Variants in ERMARD observed in about 807,000 individuals in gnomAD.
ERMARD encodes the protein endoplasmic reticulum membrane-associated RNA degradation protein.
Under a neutral mutation model 83.9 loss-of-function variants are expected in ERMARD, and 71 were observed. The ratio of observed to expected loss-of-function variants is 0.85; its 90% CI spans 0.70 to 1.03. The LOEUF is 1.03. Among genes scored for constraint, ERMARD ranks in the 50% least tolerant of loss-of-function variants. ERMARD has a pLI of 0.00. For missense variants in ERMARD, 838 were observed against 810.9 expected, an observed-to-expected ratio of 1.03 and a Z score of -0.41; for synonymous variants, 284 against 298.6, an observed-to-expected ratio of 0.95 and a Z score of 0.50.
Position 169,781,432 on chromosome 6 carries a change from G to T in ERMARD, c.1956G>T (p.Leu652Phe). 1 of 1,612,914 alleles carries T rather than the reference G, an allele frequency of 6.2e-7. No homozygotes were observed. The highest frequency in any genetic ancestry group is 8.5e-7 in the Non-Finnish European group (1 of 1,179,646). Residue 652 changes from leucine (L) to phenylalanine (F), a missense_variant, in exon 18 of 18, where the codon TTG becomes TTT. Transcript: ENST00000366773. ...CTATCAATCTTACACATACAGCTTT[G>T]TTGAAAATGTGGACTTTTAGTGAGA... ...NETINLTHTA[L>F]LKMWTFSEKK... is the part of the protein sequence containing the mutation.
At chr6:169,768,063 G>A in intron 10 of ERMARD, 40 bp from the exon 11 acceptor site, 2 of 1,526,098 alleles carry the variant, frequency 1.3e-6, no homozygotes, top group South Asian at 2.2e-5. Flanking sequence ...GTTTATGTAT[G>A]GGGACCAGTT....
intron 5 of ERMARD, among the ~76,000 whole-genome samples, chr6:169,758,646 A>G (rs1404261367): frequency 6.6e-6 from 1 of 152,224 alleles, no homozygotes; most frequent in East Asian, 1.9e-4. Flanking sequence ...CCTGGGTCAG[A>G]TCTTATCCCC....
chr6:169,773,253 A>AGTTC (rs1264310564), intron 12 of ERMARD, 66 bp from the exon 13 acceptor site: 2 of 1,361,660 alleles, frequency 1.5e-6, no homozygotes, highest in African/African-American at 2.9e-5. Context: ...AGTGGCCTAC[A>AGTTC]GTTCAATAGA....
At chr6:169,777,798 G>T (rs1793766746) in intron 16 of ERMARD, among the ~76,000 whole-genome samples, 1 of 147,168 alleles carries the variant, frequency 6.8e-6, no homozygotes, top group Non-Finnish European at 1.5e-5. Flanking sequence ...CACAGCTCCA[G>T]CGCCAACAGG....
rs1415124780 is a variant in ERMARD at position 169,756,706 on chromosome 6, G to T, written c.418-13G>T. ...ATAATACAACTGTTACACAATTTTT[G>T]TTTGAATTTTAGGTATTTTTACTGA... is the stretch of plus-strand genomic sequence containing the variant. On this transcript the variant is annotated splice_polypyrimidine_tract_variant and intron_variant, in intron 4 of 17. Transcript: ENST00000366773. The T allele has an allele frequency of 5.6e-6, 9 of 1,608,834 alleles. No individual in the cohort carries two copies. Among genetic ancestry groups the T allele is most frequent in the Non-Finnish European group, 7.7e-6 (9 of 1,175,996 alleles).
At chr6:169,771,618 C>T (rs1389151068) in intron 12 of ERMARD, 16 of 152,158 alleles carry the variant, frequency 1.1e-4, no homozygotes, top group Admixed American at 1.0e-3. Context: ...CAGGTTCTCC[C>T]CATCTTCATT....
chr6:169,779,426 G>A, intron 17 of ERMARD, 131 bp downstream of exon 17: 1 of 738,294 alleles, frequency 1.4e-6, no homozygotes. Context: ...TCTCAGGCAA[G>A]GGTCTGACAT....
chr6:169,780,707 C>T (rs190442184), intron 17 of ERMARD, among the ~76,000 whole-genome samples: 2 of 152,316 alleles, frequency 1.3e-5, no homozygotes, highest in East Asian at 3.9e-4. Context: ...TGCAGCCGAA[C>T]CTTGAACGAT....
chr6:169,778,274 A>C (rs1309617441), intron 16 of ERMARD, among the ~76,000 whole-genome samples: 1 of 152,202 alleles, frequency 6.6e-6, no homozygotes, highest in Non-Finnish European at 1.5e-5. Flanking sequence ...TCCTGTGCTG[A>C]TTTTCATAGA....
At position 169,781,417 on chromosome 6, in the gene ERMARD, T is replaced by G. The variant is rs1383529610; in HGVS notation, c.1941T>G (p.Leu647=). Residue 647 remains leucine (L), a synonymous_variant, in exon 18 of 18, where the codon CTT becomes CTG. Transcript: ENST00000366773. ...ACAAGTGGAATGAAACTATCAATCTTACACATACAGCTTTGTTGAAAATGT... is the reference window on the plus strand; with the variant it reads ...ACAAGTGGAATGAAACTATCAATCTGACACATACAGCTTTGTTGAAAATGT... ...EKNKWNETIN[L]THTALLKMWT... The G allele has an allele frequency of 1.9e-6, 3 of 1,613,504 alleles. No individual in the cohort carries two copies. Among genetic ancestry groups the G allele is most frequent in the Non-Finnish European group, 2.5e-6 (3 of 1,179,856 alleles).
chr6:169,762,708 G>A (rs1377862213), intron 9 of ERMARD, among the ~76,000 whole-genome samples, 177 bp downstream of exon 9: 3 of 152,122 alleles, frequency 2.0e-5, no homozygotes, highest in African/African-American at 7.2e-5. Flanking sequence ...ATTTATGATT[G>A]TTTTTGATAT....
At chr6:169,775,434 A>C in intron 14 of ERMARD, 88 bp downstream of exon 14, 1 of 1,439,556 alleles carries the variant, frequency 6.9e-7, no homozygotes, top group Non-Finnish European at 9.6e-7. Context: ...AGGCTGTGGG[A>C]AGATAAAAGG....
intron 6 of ERMARD, 48 bp from the exon 7 acceptor site, chr6:169,759,790 G>A (rs1791291976): frequency 6.6e-7 from 1 of 1,506,246 alleles, no homozygotes; most frequent in African/African-American, 1.4e-5. Context: ...GCTTTTTATA[G>A]GCATGATTGA....
chr6:169,759,828 T>A lies in ERMARD; in HGVS notation c.606-10T>A. On this transcript the variant is annotated splice_polypyrimidine_tract_variant and intron_variant, in intron 6 of 17. Transcript: ENST00000366773. ...ACATTTTTGTAACAGATCTCTATGGTATTTCCTAGATACTGTTCAATGATG... is the reference window on the plus strand; with the variant it reads ...ACATTTTTGTAACAGATCTCTATGGAATTTCCTAGATACTGTTCAATGATG... 1 of 1,607,394 alleles carries A rather than the reference T, an allele frequency of 6.2e-7. No homozygotes were observed. Among genetic ancestry groups the A allele is most frequent in the Non-Finnish European group, 8.5e-7 (1 of 1,174,612 alleles).
At chr6:169,760,366 A>C (rs575847122) in intron 7 of ERMARD, among the ~76,000 whole-genome samples, 1 of 152,302 alleles carries the variant, frequency 6.6e-6, no homozygotes, top group South Asian at 2.1e-4. Context: ...ACCTTCTGAA[A>C]ATGTGTTTTA....
At chr6:169,761,182 G>A (rs1359455150) in intron 8 of ERMARD, among the ~76,000 whole-genome samples, 1 of 152,052 alleles carries the variant, frequency 6.6e-6, no homozygotes, top group African/African-American at 2.4e-5. Flanking sequence ...TCATTTTTAT[G>A]CCTTGAGAAC....
chr6:169,760,625 C>T lies in ERMARD; in HGVS notation c.743-17C>T, dbSNP rs201070571. ...TGATCAGTATGATTGTGTTTAAAAC[C>T]GTGTGTTATTTTACAGATGTTACTT... On this transcript the variant is annotated splice_polypyrimidine_tract_variant and intron_variant, in intron 7 of 17. Transcript: ENST00000366773. 2.5e-5 allele frequency: 38 copies of T among 1,516,770 alleles called. No homozygotes were observed. The highest frequency in any genetic ancestry group is 3.3e-5 in the Non-Finnish European group (36 of 1,094,668). The allele number at this position is 1,516,770 out of a possible 1,614,324, so 94.0% of individuals were successfully genotyped here.
intron 13 of ERMARD, 108 bp downstream of exon 13, chr6:169,773,510 T>C: frequency 9.1e-7 from 1 of 1,099,992 alleles, no homozygotes; most frequent in Admixed American, 1.9e-5. Context: ...AGACTTTGAG[T>C]TGGGCAGATC....
intron 11 of ERMARD, 62 bp downstream of exon 11, chr6:169,768,233 C>T: frequency 6.9e-7 from 1 of 1,453,518 alleles, no homozygotes; most frequent in Non-Finnish European, 9.6e-7. Context: ...CAGCACTTCT[C>T]TAAAATTAAA....
Sources: gnomAD v4.1 joint callset for allele counts (sites outside exome capture counted in the v4.1 genomes callset) on GRCh38, gnomAD v4.1.1 for gene constraint, MANE v1.5 for transcripts, NCBI Gene and HGNC (gene_info 2026-07-23, HGNC 2026-07-21) for gene names.